Variants in RCAN2 observed in about 807,000 individuals in gnomAD.
RCAN2 encodes the protein regulator of calcineurin 2.
In RCAN2, 9 loss-of-function variants were observed where a neutral mutation model predicts 23.6. The ratio of observed to expected loss-of-function variants is 0.38; its 90% CI spans 0.23 to 0.67. The LOEUF (loss-of-function observed/expected upper bound fraction) is 0.67, where lower values mean the gene tolerates loss of function less well. Among genes scored for constraint, RCAN2 ranks in the 30% least tolerant of loss-of-function variants. The probability of loss-of-function intolerance (pLI) is 0.51; values close to 1 mark genes in which losing one functional copy is unlikely to be tolerated. For synonymous variants in RCAN2, 109 were observed against 115.7 expected (o/e 0.94, Z 0.37); for missense variants, 273 against 302.3 (o/e 0.90, Z 0.72).
At chr6:46,236,814 T>C (rs1448493512) in intron 4 of RCAN2, among the ~76,000 whole-genome samples, 1 of 152,238 alleles carries the variant, frequency 6.6e-6, no homozygotes, top group Non-Finnish European at 1.5e-5. Flanking sequence ...GTAGGTGTCA[T>C]AGAAACTCAC....
Position 46,491,210 on chromosome 6 carries a change from C to T in RCAN2, c.-40G>A. On this transcript the variant is annotated 5_prime_UTR_variant, in exon 1 of 5. Transcript: ENST00000371374. The stretch of plus-strand genomic sequence containing the variant: ...CGCGATGCGCCGGCGGAGGCGGAGG[C>T]GGAGGCGGCGGCTGGGGCGTCTACG... 1 of 152,076 alleles carries T rather than the reference C, an allele frequency of 6.6e-6. No individual in the cohort carries two copies. Among genetic ancestry groups the T allele is most frequent in the Non-Finnish European group, 1.5e-5 (1 of 67,986 alleles). The allele number at this position is 152,076 out of a possible 1,614,324, so 9.4% of individuals were successfully genotyped here.
intron 2 of RCAN2, among the ~76,000 whole-genome samples, chr6:46,379,418 A>G (rs560702500): frequency 1.3e-5 from 2 of 152,278 alleles, no homozygotes; most frequent in South Asian, 2.1e-4. Context: ...ATGAACGTCA[A>G]CAGTCCTAGG....
chr6:46,227,850 CT>C (rs1765729275), intron 4 of RCAN2, among the ~76,000 whole-genome samples: 2 of 152,294 alleles, frequency 1.3e-5, no homozygotes, highest in Non-Finnish European at 2.9e-5. Flanking sequence ...TTGTCTAATT[CT>C]TTTAATTGTG....
chr6:46,442,407 C>A (rs1767575106), intron 2 of RCAN2, among the ~76,000 whole-genome samples: 1 of 152,168 alleles, frequency 6.6e-6, no homozygotes, highest in Non-Finnish European at 1.5e-5. Context: ...ACCAAGGCAC[C>A]CTGTTCAGGG....
intron 2 of RCAN2, among the ~76,000 whole-genome samples, chr6:46,371,906 T>C (rs1360209274): frequency 6.6e-6 from 1 of 152,234 alleles, no homozygotes; most frequent in Non-Finnish European, 1.5e-5. Context: ...AATAACATTT[T>C]AGTCTGACAT....
intron 2 of RCAN2, among the ~76,000 whole-genome samples, chr6:46,344,157 A>C (rs140781818): frequency 2.6e-5 from 4 of 152,222 alleles, no homozygotes; most frequent in Non-Finnish European, 5.9e-5. Context: ...TAAATTTGCT[A>C]GTAATCATTG....
chr6:46,330,861 T>C (rs796566954), intron 2 of RCAN2, among the ~76,000 whole-genome samples: 5 of 152,200 alleles, frequency 3.3e-5, no homozygotes, highest in African/African-American at 1.2e-4. Flanking sequence ...GTTTAACAGA[T>C]TTTTCTGTTG....
intron 2 of RCAN2, among the ~76,000 whole-genome samples, chr6:46,448,395 A>T (rs1347732131): frequency 6.6e-6 from 1 of 151,910 alleles, no homozygotes; most frequent in Non-Finnish European, 1.5e-5. Context: ...GCTGAATTTT[A>T]ACAAACATCT....
At chr6:46,375,906 C>T (rs1023494293) in intron 2 of RCAN2, among the ~76,000 whole-genome samples, 8 of 152,334 alleles carry the variant, frequency 5.3e-5, no homozygotes, top group African/African-American at 1.9e-4. Context: ...AATCTTAGCT[C>T]CTAGACCATA....
chr6:46,270,207 GC>G (rs1422263086), intron 2 of RCAN2, among the ~76,000 whole-genome samples: 1 of 152,086 alleles, frequency 6.6e-6, no homozygotes, highest in African/African-American at 2.4e-5. Context: ...CCAGGACTAA[GC>G]CCACCAGAGT....
intron 2 of RCAN2, among the ~76,000 whole-genome samples, chr6:46,289,378 G>A (rs77164237): frequency 0.03 from 4,628 of 152,296 alleles, 207 homozygotes; most frequent in African/African-American, 0.1. Context: ...TGGTTGGGAA[G>A]CCCAAGAGGA....
intron 1 of RCAN2, among the ~76,000 whole-genome samples, chr6:46,470,308 C>T (rs1290874001): frequency 1.3e-5 from 2 of 152,188 alleles, no homozygotes; most frequent in Admixed American, 1.3e-4. Context: ...CTAGGACCCC[C>T]TTTACCTTCC....
intron 2 of RCAN2, among the ~76,000 whole-genome samples, chr6:46,338,100 C>T (rs770194367): frequency 7.2e-5 from 11 of 152,284 alleles, no homozygotes; most frequent in South Asian, 4.1e-4. Flanking sequence ...CACTTGGATG[C>T]AAATGATAGG....
chr6:46,419,209 T>C (rs981193009), intron 2 of RCAN2, among the ~76,000 whole-genome samples: 3 of 152,290 alleles, frequency 2.0e-5, no homozygotes, highest in South Asian at 2.1e-4. Context: ...ATTTACACCA[T>C]GGAAGTCAGC....
intron 2 of RCAN2, among the ~76,000 whole-genome samples, chr6:46,280,795 G>A (rs1767881381): frequency 6.6e-6 from 1 of 152,090 alleles, no homozygotes; most frequent in African/African-American, 2.4e-5. Context: ...TTAAACTGAA[G>A]GAGTCTTAGT....
chr6:46,353,637 A>T (rs1764735604), intron 2 of RCAN2, among the ~76,000 whole-genome samples: 1 of 152,138 alleles, frequency 6.6e-6, no homozygotes, highest in South Asian at 2.1e-4. Flanking sequence ...AGACGCTAGG[A>T]TGAGATGTGA....
intron 2 of RCAN2, among the ~76,000 whole-genome samples, chr6:46,396,583 C>T (rs1441515980): frequency 6.6e-6 from 1 of 152,194 alleles, no homozygotes; most frequent in Non-Finnish European, 1.5e-5. Flanking sequence ...TGAGATTCAG[C>T]TGTGCCCACT....
chr6:46,465,143 T>C (rs1768336394), intron 1 of RCAN2, among the ~76,000 whole-genome samples: 1 of 152,020 alleles, frequency 6.6e-6, no homozygotes, highest in African/African-American at 2.4e-5. Flanking sequence ...ATCAAGAAAA[T>C]GCATTTCAAA....
At chr6:46,320,417 A>T (rs1763575736) in intron 2 of RCAN2, among the ~76,000 whole-genome samples, 1 of 152,210 alleles carries the variant, frequency 6.6e-6, no homozygotes, top group Non-Finnish European at 1.5e-5. Flanking sequence ...AAGTGATTTG[A>T]AATGTCCAGT....
Sources: allele counts gnomAD v4.1 joint callset (sites outside exome capture counted in the v4.1 genomes callset), GRCh38; gene constraint gnomAD v4.1.1; transcripts MANE v1.5; gene names NCBI Gene and HGNC (gene_info 2026-07-23, HGNC 2026-07-21).